Variants in ZNF90 observed in about 807,000 individuals in gnomAD.
ZNF90 encodes the protein zinc finger protein 90.
In ZNF90, 11 loss-of-function variants were observed where a neutral mutation model predicts 12.0. That is an observed-to-expected ratio of 0.92 (90% CI 0.58 to 1.52). ZNF90 has a LOEUF of 1.52. Ranked by LOEUF, ZNF90 falls within the 40% of genes most tolerant of loss-of-function variation. The pLI, the probability that ZNF90 is intolerant of heterozygous loss-of-function variation, is 0.00. For synonymous variants in ZNF90, 232 were observed against 240.1 expected (o/e 0.97, Z 0.31); for missense variants, 765 against 711.5 (o/e 1.08, Z -0.86).
chr19:20,114,495 G>C (rs2089118973), intron 3 of ZNF90, among the ~76,000 whole-genome samples: 1 of 152,074 alleles, frequency 6.6e-6, no homozygotes, highest in Non-Finnish European at 1.5e-5. Context: ...ATATCTGTCT[G>C]TTTGTGGCTG....
rs782774699 is a variant in ZNF90 at position 20,118,169 on chromosome 19, A to T, written c.615A>T (p.Glu205Asp). 6.2e-7 allele frequency: 1 copy of T among 1,610,580 alleles called. No homozygotes were observed. The highest frequency in any genetic ancestry group is 8.5e-7 in the Non-Finnish European group (1 of 1,178,106). ...HTGEITCKCEECGKAFNRSSH... is the reference protein window; with the variant it reads ...HTGEITCKCEDCGKAFNRSSH... ...GAGAGATAACCTGCAAATGTGAAGA[A>T]TGTGGCAAAGCCTTCAACAGGTCCT... The change falls in exon 4 of 4, where the codon GAA becomes GAT. Residue 205 changes from glutamate to aspartate, a missense_variant. Coordinates refer to ENST00000418063, the MANE Select transcript of ZNF90 (RefSeq NM_007138.2).
At chr19:20,117,748 A>G (rs1230989496) in intron 3 of ZNF90, 33 bp from the exon 4 acceptor site, 1 of 1,456,030 alleles carries the variant, frequency 6.9e-7, no homozygotes, top group South Asian at 1.5e-5. Context: ...GAATCTAGCA[A>G]TTGAAGTAAT....
chr19:20,109,957 C>G (rs1555704885), intron 3 of ZNF90, among the ~76,000 whole-genome samples: 1 of 152,206 alleles, frequency 6.6e-6, no homozygotes, highest in Non-Finnish European at 1.5e-5. Flanking sequence ...ATTTTACCCT[C>G]TCTCCAGCCC....
At chr19:20,115,699 C>T (rs1231223674) in intron 3 of ZNF90, among the ~76,000 whole-genome samples, 1 of 151,824 alleles carries the variant, frequency 6.6e-6, no homozygotes, top group African/African-American at 2.4e-5. Context: ...GTTTGTTCAG[C>T]TTTTTTATGT....
At chr19:20,105,032 CA>C (rs1326020179) in intron 2 of ZNF90, among the ~76,000 whole-genome samples, 188 bp from the exon 3 acceptor site, 1 of 151,904 alleles carries the variant, frequency 6.6e-6, no homozygotes, top group Non-Finnish European at 1.5e-5. Context: ...CAAAACAAAA[CA>C]AAAAACCACA....
chr19:20,109,685 G>A (rs1484563018), intron 3 of ZNF90, among the ~76,000 whole-genome samples: 2 of 150,320 alleles, frequency 1.3e-5, no homozygotes, highest in African/African-American at 2.5e-5. Flanking sequence ...ACCAGCCTGG[G>A]CAACATATGG....
rs563526857 is a variant in ZNF90, at chr19:20,120,629, A to G, written c.*1269A>G. Among the ~76,000 whole-genome samples the G allele has an allele frequency of 1.3e-5, 2 of 152,340 alleles. No homozygotes were observed. Among genetic ancestry groups the G allele is most frequent in the South Asian group, 2.1e-4 (1 of 4,826 alleles). On this transcript the variant is annotated 3_prime_UTR_variant, in exon 4 of 4. Coordinates refer to ENST00000418063, the MANE Select transcript of ZNF90 (RefSeq NM_007138.2). ...TTAATTCAAAATGAATTCCATGTAA[A>G]TATCAGAGAATTTACAGTAGAATAA...
intron 3 of ZNF90, among the ~76,000 whole-genome samples, chr19:20,116,100 T>C (rs2089134890): frequency 6.6e-6 from 1 of 152,198 alleles, no homozygotes; most frequent in South Asian, 2.1e-4. Flanking sequence ...CTTGAACTCC[T>C]GACCTCAAAT....
At chr19:20,113,120 C>A (rs1443258139) in intron 3 of ZNF90, among the ~76,000 whole-genome samples, 2 of 151,970 alleles carry the variant, frequency 1.3e-5, no homozygotes, top group African/African-American at 4.8e-5. Flanking sequence ...TAAATATTAT[C>A]CCTGTAGTTT....
intron 1 of ZNF90, among the ~76,000 whole-genome samples, chr19:20,089,681 G>GAA (rs1555702542): frequency 1.3e-5 from 2 of 152,162 alleles, no homozygotes; most frequent in African/African-American, 4.8e-5. Flanking sequence ...TTGCTGATGT[G>GAA]AAATGTCTGG....
Position 20,117,987 on chromosome 19 carries a change from T to C in ZNF90, c.433T>C (p.Phe145Leu). The change falls in exon 4 of 4, where the codon TTT (phenylalanine) becomes CTT (leucine). Residue 145 changes from phenylalanine to leucine, a missense_variant. Transcript: ENST00000418063. ...TTTGACAGCTACCCAGAGCAAAGTATTTCAATGTGATACATATGTGAAAGT... is the reference window on the plus strand; with the variant it reads ...TTTGACAGCTACCCAGAGCAAAGTACTTCAATGTGATACATATGTGAAAGT... ...QCLTATQSKV[F>L]QCDTYVKVSH... The C allele has an allele frequency of 6.2e-7, 1 of 1,613,450 alleles. No homozygotes were observed. Among genetic ancestry groups the C allele is most frequent in the Middle Eastern group, 1.7e-4 (1 of 6,058 alleles).
In ZNF90 at chr19:20,118,835, T is replaced by G; in HGVS notation, c.1281T>G (p.Cys427Trp). ...ISHTEEKPYK[C>W]QECDKVFKRS... ...ATACTGAAGAGAAACCCTACAAATGTCAAGAATGTGACAAAGTCTTCAAAC... is the reference window on the plus strand; with the variant it reads ...ATACTGAAGAGAAACCCTACAAATGGCAAGAATGTGACAAAGTCTTCAAAC... Residue 427 changes from cysteine to tryptophan, a missense_variant, in exon 4 of 4, where the codon TGT (cysteine) becomes TGG (tryptophan). Physicochemically the swap from Cys to Trp is radical, Grantham distance 215. Transcript: ENST00000418063. 1 of 1,604,300 alleles carries G rather than the reference T, an allele frequency of 6.2e-7. No individual in the cohort carries two copies. Among genetic ancestry groups the G allele is most frequent in the Non-Finnish European group, 8.5e-7 (1 of 1,175,330 alleles).
chr19:20,108,124 T>C (rs1555704638), intron 3 of ZNF90, among the ~76,000 whole-genome samples: 1 of 147,418 alleles, frequency 6.8e-6, no homozygotes, highest in African/African-American at 2.4e-5. Flanking sequence ...TTAAAACATT[T>C]GTTTTTTAAC....
In ZNF90 at chr19:20,118,089, G is replaced by C; in HGVS notation, c.535G>C (p.Gly179Arg). 1 of 1,613,662 alleles carries C rather than the reference G, an allele frequency of 6.2e-7. No individual in the cohort carries two copies. Among genetic ancestry groups the C allele is most frequent in the East Asian group, 2.2e-5 (1 of 44,856 alleles). The change falls in exon 4 of 4, where the codon GGC (glycine) becomes CGC (arginine). Residue 179 changes from glycine (G) to arginine (R), a missense_variant. Coordinates refer to ENST00000418063, the MANE Select transcript of ZNF90 (RefSeq NM_007138.2). ...AAAACCTTTCAAATGTATAGAATGT[G>C]GCAAAGCTTTCAACCAGTCCTCAAC... ...GKKPFKCIEC[G>R]KAFNQSSTLA...
At chr19:20,093,023 T>A (rs1182797158) in intron 1 of ZNF90, among the ~76,000 whole-genome samples, 3 of 150,114 alleles carry the variant, frequency 2.0e-5, no homozygotes, top group African/African-American at 4.9e-5. Flanking sequence ...CTGGGACTGA[T>A]GGGTGTCAGG....
At chr19:20,081,871 TCTC>T (rs1409147200) in intron 1 of ZNF90, among the ~76,000 whole-genome samples, 2 of 151,924 alleles carry the variant, frequency 1.3e-5, no homozygotes, top group African/African-American at 4.8e-5. Context: ...TTCACACTAT[TCTC>T]CTGCCTCAGC....
chr19:20,117,928 T>G lies in ZNF90; in HGVS notation c.374T>G (p.Val125Gly), dbSNP rs16996687. 24,646 of 1,613,262 alleles carry G rather than the reference T, an allele frequency of 0.015. 3,176 individuals are homozygous for G. In the African/African-American group the frequency reaches 0.28, roughly 19 times the overall value. The change falls in exon 4 of 4, where the codon GTA becomes GGA. Residue 125 changes from valine (V) to glycine (G), a missense_variant. Physicochemically the swap from Val to Gly is moderately radical, Grantham distance 109. Coordinates refer to ENST00000418063, the MANE Select transcript of ZNF90 (RefSeq NM_007138.2). The stretch of plus-strand genomic sequence containing the variant: ...TGTGAAAGTGTGGATGAGGGTAAAG[T>G]ACACAAAAGAGGTTATAATGGACTT... ...KGCESVDEGK[V>G]HKRGYNGLNQ...
intron 1 of ZNF90, among the ~76,000 whole-genome samples, chr19:20,103,139 G>A (rs140255146): frequency 0.011 from 1,675 of 152,234 alleles, 16 homozygotes; most frequent in Non-Finnish European, 0.019. Flanking sequence ...TGCGATCCTC[G>A]AGGCTGTGAA....
intron 1 of ZNF90, among the ~76,000 whole-genome samples, chr19:20,093,305 T>C (rs545447665): frequency 8.0e-4 from 122 of 152,366 alleles, no homozygotes; most frequent in Non-Finnish European, 1.3e-3. Context: ...AAGCCCATGC[T>C]GTAGCAGGTG....
Sources: allele counts gnomAD v4.1 joint callset (sites outside exome capture counted in the v4.1 genomes callset), GRCh38; gene constraint gnomAD v4.1.1; transcripts MANE v1.5; gene names NCBI Gene and HGNC (gene_info 2026-07-23, HGNC 2026-07-21).